The following DDX41 variants were observed in gnomAD, a reference collection of about 807,000 sequenced individuals.
DDX41 encodes the protein DEAD-box helicase 41.
In DDX41, 50 loss-of-function variants were observed where a neutral mutation model predicts 78.8. The ratio of observed to expected loss-of-function variants is 0.63; its 90% CI spans 0.51 to 0.80. The LOEUF is 0.80. Among genes scored for constraint, DDX41 ranks in the 30% least tolerant of loss-of-function variants. The pLI, the probability that DDX41 is intolerant of heterozygous loss-of-function variation, is 0.00. For synonymous variants in DDX41, 381 were observed against 321.5 expected (o/e 1.19, Z -1.98); for missense variants, 633 against 849.2 (o/e 0.75, Z 3.16).
Position 177,515,714 on chromosome 5 carries a change from T to A in DDX41, c.542A>T (p.Lys181Met). Reference sequence around the variant, plus strand: ...AGGAAACTTCATTTCCTTGAAGCTCTTGATGGGTGGTGGGATACCGTCTCC... The same window carrying A: ...AGGAAACTTCATTTCCTTGAAGCTCATGATGGGTGGTGGGATACCGTCTCC... ...VEGDGIPPPI[K>M]SFKEMKFPAA... The change falls in exon 6 of 17, where the codon AAG becomes ATG. Residue 181 changes from lysine to methionine, a missense_variant. Lys to Met is a moderately conservative substitution (Grantham distance 95). Transcript: ENST00000330503. The A allele has an allele frequency of 6.2e-7, 1 of 1,614,120 alleles. No homozygotes were observed. The highest frequency in any genetic ancestry group is 8.5e-7 in the Non-Finnish European group (1 of 1,180,024).
At position 177,516,451 on chromosome 5, in the gene DDX41, A is replaced by C. The variant is rs192297583; in HGVS notation, c.139-4T>G. ...TTCGCTGCAGCAGCTTCTGGAGCTG[A>C]GGTTCCACCCGGGATCCACAGATAG... On this transcript the variant is annotated splice_polypyrimidine_tract_variant and splice_region_variant and intron_variant, in intron 2 of 16. Coordinates refer to ENST00000330503, the MANE Select transcript of DDX41 (RefSeq NM_016222.4). 1.8e-3 allele frequency: 2,947 copies of C among 1,613,240 alleles called. 23 individuals are homozygous for C. Among genetic ancestry groups the C allele is most frequent in the Middle Eastern group, 0.01 (60 of 6,000 alleles).
At position 177,512,216 on chromosome 5, in the gene DDX41, G is replaced by A; in HGVS notation, c.1622-10C>T. ...ATCAGCACTGACTCATCTGGGGGAG[G>A]AGTGGGGAAGCATCAGGGCCCATCC... On this transcript the variant is annotated splice_polypyrimidine_tract_variant and intron_variant, in intron 15 of 16. Transcript: ENST00000330503. 3.1e-6 allele frequency: 5 copies of A among 1,613,814 alleles called. No homozygotes were observed. Among genetic ancestry groups the A allele is most frequent in the Non-Finnish European group, 4.2e-6 (5 of 1,180,010 alleles).
Position 177,515,017 on chromosome 5 carries a change from G to A in DDX41, c.697C>T (p.Leu233=), listed in dbSNP as rs1761159449. Residue 233 remains leucine, a synonymous_variant, in exon 8 of 17, where the codon CTG becomes TTG. Transcript: ENST00000330503. ...ATGATGACGGGCAACGTGAACACCA[G>A]TGTCTTGCCTGAACCCGTGAAAGCG... is the stretch of plus-strand genomic sequence containing the variant. ...GIAFTGSGKT[L]VFTLPVIMFC... 6.2e-7 allele frequency: 1 copy of A among 1,613,892 alleles called. No homozygotes were observed. Among genetic ancestry groups the A allele is most frequent in the Non-Finnish European group, 8.5e-7 (1 of 1,179,912 alleles).
Position 177,513,649 on chromosome 5 carries a change from G to C in DDX41, c.1098+36C>G. The C allele has an allele frequency of 1.2e-6, 2 of 1,611,452 alleles. No homozygotes were observed. The highest frequency in any genetic ancestry group is 1.1e-5 in the South Asian group (1 of 91,016). On this transcript the variant is annotated intron_variant, in intron 10 of 16. Coordinates refer to ENST00000330503, the MANE Select transcript of DDX41 (RefSeq NM_016222.4). This position sits in a 1 kb window ranked among gnomAD's most constrained non-coding sequence, Gnocchi z 4.6. Reference sequence around the variant, plus strand: ...AGTCTGATGTGGCGTGCAGTGGGGGGCGGTGCAGGGTGCCCTGGCCGGGCG... The same window carrying C: ...AGTCTGATGTGGCGTGCAGTGGGGGCCGGTGCAGGGTGCCCTGGCCGGGCG...
At position 177,511,591 on chromosome 5, in the gene DDX41, G is replaced by T; in HGVS notation, c.*200C>A. The stretch of plus-strand genomic sequence containing the variant: ...AGGGCCAGGGCTGGGCTAGAGGTTT[G>T]GGCTTTAATGGCAGCTGGGGTAAAA... On this transcript the variant is annotated 3_prime_UTR_variant, in exon 17 of 17. Transcript: ENST00000330503. 2.8e-6 allele frequency: 2 copies of T among 704,554 alleles called. No homozygotes were observed. Among genetic ancestry groups the T allele is most frequent in the Admixed American group, 5.8e-5 (2 of 34,496 alleles). 43.6% of individuals were successfully genotyped at this position (704,554 alleles called of 1,614,324 possible). A position where few individuals can be genotyped will look rare whatever the true frequency, so the allele number is the denominator to read the frequency against.
At chr5:177,515,313 C>G in intron 6 of DDX41, 55 bp from the exon 7 acceptor site, 1 of 1,583,766 alleles carries the variant, frequency 6.3e-7, no homozygotes, top group Non-Finnish European at 8.7e-7. Flanking sequence ...TCTCAGAGCC[C>G]CAAAGCCTGT....
rs144762739 is a variant in DDX41 at position 177,516,831 on chromosome 5, G to A, written c.32C>T (p.Ala11Val). ...TCCGGCAGGCACCTCGTCGGTGCGAGCCCGCTGCAAGCACACGCCAGTCAG... is the reference window on the plus strand; with the variant it reads ...TCCGGCAGGCACCTCGTCGGTGCGAACCCGCTGCAAGCACACGCCAGTCAG... MEESEPERKR[A>V]RTDEVPAGGS... The change falls in exon 2 of 17, where the codon GCT becomes GTT. Residue 11 changes from alanine (A) to valine (V), a missense_variant. Ala to Val is a moderately conservative substitution (Grantham distance 64). Transcript: ENST00000330503. The A allele has an allele frequency of 5.0e-6, 8 of 1,612,686 alleles. No homozygotes were observed. The African/African-American group carries it at 1.1e-4, about 22-fold the overall frequency.
At position 177,516,916 on chromosome 5, in the gene DDX41, T is replaced by G; in HGVS notation, c.27+3A>C. ...CACGCGCGGGGTCTCGCCTCTCTCC[T>G]ACCTTCCGTTCGGGTTCCGACTCCT... On this transcript the variant is annotated splice_donor_region_variant and intron_variant, in intron 1 of 16. Coordinates refer to ENST00000330503, the MANE Select transcript of DDX41 (RefSeq NM_016222.4). The G allele has an allele frequency of 6.2e-7, 1 of 1,613,262 alleles. No individual in the cohort carries two copies. The highest frequency in any genetic ancestry group is 2.2e-5 in the East Asian group (1 of 44,866).
rs1050301592 is a variant in DDX41 at position 177,514,494 on chromosome 5, A to G, written c.935+207T>C. ...CCAGATGTCCCCAGCAAGGTGGGCC[A>G]TTCCATCTGCCGTGCTCCCACAGTA... is the stretch of plus-strand genomic sequence containing the variant. On this transcript the variant is annotated intron_variant, in intron 9 of 16. Transcript: ENST00000330503. This position sits in a 1 kb window ranked among gnomAD's most constrained non-coding sequence, Gnocchi z 4.2. Among the ~76,000 whole-genome samples, 31 of 152,300 alleles carry G rather than the reference A, an allele frequency of 2.0e-4. No individual in the cohort carries two copies. The highest frequency in any genetic ancestry group is 7.5e-4 in the African/African-American group (31 of 41,572).
chr5:177,516,183 CTCTT>C lies in DDX41; in HGVS notation c.305_308del (p.Lys102SerfsTer8). 1 of 1,614,100 alleles carries C rather than the reference CTCTT, an allele frequency of 6.2e-7. No individual in the cohort carries two copies. Among genetic ancestry groups the C allele is most frequent in the South Asian group, 1.1e-5 (1 of 91,084 alleles). ...CCTTCAGCTGCTTCTCCTTGGCAGA[CTCTT>C]TGCGCGCTGAGAAAAGAAGTGGAAG... is the stretch of plus-strand genomic sequence containing the variant. On this transcript the variant is annotated frameshift_variant, in exon 4 of 17. Transcript: ENST00000330503. LOFTEE classifies it high-confidence loss of function.
In DDX41 at chr5:177,513,357, A is replaced by G. The variant is rs1228057039; in HGVS notation, c.1226T>C (p.Ile409Thr). 6.2e-7 allele frequency: 1 copy of G among 1,614,072 alleles called. No individual in the cohort carries two copies. Among genetic ancestry groups the G allele is most frequent in the Non-Finnish European group, 8.5e-7 (1 of 1,180,022 alleles). Residue 409 changes from isoleucine (I) to threonine (T), a missense_variant, in exon 11 of 17, where the codon ATC (isoleucine) becomes ACC (threonine). Physicochemically the swap from Ile to Thr is moderately conservative, Grantham distance 89 (BLOSUM62 -1). This residue lies in a region of DDX41 where 185 missense variants were observed against 367.4 expected (regional missense o/e 0.50). Coordinates refer to ENST00000330503, the MANE Select transcript of DDX41 (RefSeq NM_016222.4). This position sits in a 1 kb window ranked among gnomAD's most constrained non-coding sequence, Gnocchi z 4.6. ...GRAGAASLDV[I>T]QEVEYVKEEA... ...CCATCAGGAGCACCTGCCCACCTGGATGACATCCAGGCTGGCAGCCCCAGC... is the reference window on the plus strand; with the variant it reads ...CCATCAGGAGCACCTGCCCACCTGGGTGACATCCAGGCTGGCAGCCCCAGC...
rs1438043459 is a variant in DDX41 at position 177,516,849 on chromosome 5, C to T, written c.28-14G>A. 6.2e-7 allele frequency: 1 copy of T among 1,613,060 alleles called. No individual in the cohort carries two copies. The highest frequency in any genetic ancestry group is 2.2e-5 in the East Asian group (1 of 44,882). ...GGTGCGAGCCCGCTGCAAGCACACG[C>T]CAGTCAGGCACGGCCTGCTCCCCTC... is the stretch of plus-strand genomic sequence containing the variant. On this transcript the variant is annotated splice_polypyrimidine_tract_variant and intron_variant, in intron 1 of 16. Transcript: ENST00000330503.
Position 177,514,935 on chromosome 5 carries a change from C to A in DDX41, c.779G>T (p.Gly260Val). Residue 260 changes from glycine (G) to valine (V), a missense_variant, in exon 8 of 17, where the codon GGA (glycine) becomes GTA (valine). Coordinates refer to ENST00000330503, the MANE Select transcript of DDX41 (RefSeq NM_016222.4). This position sits in a 1 kb window ranked among gnomAD's most constrained non-coding sequence, Gnocchi z 4.2. ...TCTTACCGAGGGGCAGATGATGAGT[C>A]CATAGGGCCCCTCGCGCTTTGAGAA... ...LPFSKREGPY[G>V]LIICPSRELA... is the part of the protein sequence containing the mutation. 1.9e-6 allele frequency: 3 copies of A among 1,611,846 alleles called. No homozygotes were observed. Among genetic ancestry groups the A allele is most frequent in the Non-Finnish European group, 2.5e-6 (3 of 1,178,402 alleles).
chr5:177,513,989 G>T lies in DDX41; in HGVS notation c.936-142C>A, dbSNP rs1310342039. ...CCCCTTCTCATCATTCCCACCACCT[G>T]CCCTATGTATAGCACACAGCTCTTT... On this transcript the variant is annotated intron_variant, in intron 9 of 16. Coordinates refer to ENST00000330503, the MANE Select transcript of DDX41 (RefSeq NM_016222.4). The surrounding 1 kb of genome is among the most constrained non-coding windows in gnomAD (Gnocchi z 4.6). 11 of 860,394 alleles carry T rather than the reference G, an allele frequency of 1.3e-5. No homozygotes were observed. Among genetic ancestry groups the T allele is most frequent in the Non-Finnish European group, 1.9e-5 (10 of 539,770 alleles). 53.3% of individuals were successfully genotyped at this position (860,394 alleles called of 1,614,324 possible).
In DDX41 at chr5:177,512,762, T is replaced by A. The variant is rs373651337; in HGVS notation, c.1399+18A>T. The A allele has an allele frequency of 1.6e-4, 255 of 1,613,518 alleles. No individual in the cohort carries two copies. Among genetic ancestry groups the A allele is most frequent in the Non-Finnish European group, 2.1e-4 (247 of 1,179,638 alleles). On this transcript the variant is annotated intron_variant, in intron 13 of 16. Transcript: ENST00000330503. ...GCTACTGCAGCAGGGTCCAAGCCAG[T>A]GCTTGCACCACCCTGACCTTTGCCC...
At position 177,512,657 on chromosome 5, in the gene DDX41, C is replaced by G; in HGVS notation, c.1400-12G>C. On this transcript the variant is annotated splice_polypyrimidine_tract_variant and intron_variant, in intron 13 of 16. Coordinates refer to ENST00000330503, the MANE Select transcript of DDX41 (RefSeq NM_016222.4). Reference sequence around the variant, plus strand: ...CCGTTCCTCCTGGTCTGGGGAGGGTCAGGCAGACACTGTCAGAGCCACCAT... The same window carrying G: ...CCGTTCCTCCTGGTCTGGGGAGGGTGAGGCAGACACTGTCAGAGCCACCAT... The G allele has an allele frequency of 1.9e-6, 3 of 1,613,922 alleles. No homozygotes were observed. The highest frequency in any genetic ancestry group is 2.5e-6 in the Non-Finnish European group (3 of 1,179,948).
In DDX41 at chr5:177,515,736, C is replaced by T. The variant is rs1761196618; in HGVS notation, c.520G>A (p.Asp174Asn). 1 of 1,614,022 alleles carries T rather than the reference C, an allele frequency of 6.2e-7. No individual in the cohort carries two copies. Among genetic ancestry groups the T allele is most frequent in the Non-Finnish European group, 8.5e-7 (1 of 1,180,022 alleles). ...CTCTTGATGGGTGGTGGGATACCGT[C>T]TCCCTCCACCAGGATGTGGTATTTC... ...RKKYHILVEG[D>N]GIPPPIKSFK... Residue 174 changes from aspartate (D) to asparagine (N), a missense_variant, in exon 6 of 17, where the codon GAC (aspartate) becomes AAC (asparagine). This residue lies in a region of DDX41 where 126 missense variants were observed against 115.5 expected (regional missense o/e 1.09). Transcript: ENST00000330503.
In DDX41 at chr5:177,513,232, G is replaced by A. The variant is rs1761062309; in HGVS notation, c.1230+121C>T. On this transcript the variant is annotated intron_variant, in intron 11 of 16. Transcript: ENST00000330503. This position sits in a 1 kb window ranked among gnomAD's most constrained non-coding sequence, Gnocchi z 4.6. Reference sequence around the variant, plus strand: ...AAAAATGGCCCTGGTTAAGCGTCAGGGGCTTTGAATGAAACCCCCGGTTCC... The same window carrying A: ...AAAAATGGCCCTGGTTAAGCGTCAGAGGCTTTGAATGAAACCCCCGGTTCC... 3 of 1,549,432 alleles carry A rather than the reference G, an allele frequency of 1.9e-6. No individual in the cohort carries two copies. The highest frequency in any genetic ancestry group is 2.7e-5 in the African/African-American group (2 of 73,314).
chr5:177,515,025 C>T lies in DDX41; in HGVS notation c.689G>A (p.Gly230Asp). 6.2e-7 allele frequency: 1 copy of T among 1,613,710 alleles called. No homozygotes were observed. The highest frequency in any genetic ancestry group is 8.5e-7 in the Non-Finnish European group (1 of 1,179,748). The change falls in exon 8 of 17, where the codon GGC becomes GAC. Residue 230 changes from glycine (G) to aspartate (D), a missense_variant. Physicochemically the swap from Gly to Asp is moderately conservative, Grantham distance 94. Coordinates refer to ENST00000330503, the MANE Select transcript of DDX41 (RefSeq NM_016222.4). ...GGGCAACGTGAACACCAGTGTCTTG[C>T]CTGAACCCGTGAAAGCGATGCCTAT... ...DMIGIAFTGS[G>D]KTLVFTLPVI...
Sources: gnomAD v4.1 joint callset for allele counts (sites outside exome capture counted in the v4.1 genomes callset) on GRCh38, gnomAD v4.1.1 for gene constraint, gnomAD v4.1.1 regional missense constraint, Gnocchi (gnomAD v3.1) non-coding constraint, MANE v1.5 for transcripts, NCBI Gene and HGNC (gene_info 2026-07-23, HGNC 2026-07-21) for gene names.